The following ZNF688 variants were observed in gnomAD, a reference collection of about 807,000 sequenced individuals.
ZNF688 encodes zinc finger protein 688.
ZNF688 carries 10 observed loss-of-function variants against 13.2 expected under a neutral mutation model. That is an observed-to-expected ratio of 0.76 (90% CI 0.47 to 1.28). The LOEUF (loss-of-function observed/expected upper bound fraction) is 1.28, where lower values mean the gene tolerates loss of function less well. Among genes scored for constraint, ZNF688 ranks in the 50% most tolerant of loss-of-function variants. The pLI is 0.00. For synonymous variants in ZNF688, 160 were observed against 159.4 expected (o/e 1.00, Z -0.03); for missense variants, 381 against 391.4 (o/e 0.97, Z 0.22).
At chr16:30,574,490 G>C (rs1318679058), upstream of ZNF688, among the ~76,000 whole-genome samples, 1 of 151,058 alleles carries the variant, frequency 6.6e-6, no homozygotes, top group Non-Finnish European at 1.5e-5. Flanking sequence ...AGGTTGCAGT[G>C]AGCCAAGATC....
At chr16:30,572,120 A>G, upstream of ZNF688, 1 of 1,581,964 alleles carries the variant, frequency 6.3e-7, no homozygotes, top group Non-Finnish European at 8.6e-7. Context: ...AGCTTCACTT[A>G]CCCCTCTGTA....
At chr16:30,577,717 CTG>C (rs1170128074), upstream of ZNF688, among the ~76,000 whole-genome samples, 3 of 146,852 alleles carry the variant, frequency 2.0e-5, no homozygotes, top group Non-Finnish European at 4.5e-5. Context: ...GAGTCTCACT[CTG>C]TGGCCAAGGC....
chr16:30,570,366 A>G lies in ZNF688; in HGVS notation c.381T>C (p.Pro127=). The change falls in exon 3 of 3, where the codon CCT becomes CCC. Residue 127 remains proline (P), a synonymous_variant. Coordinates refer to ENST00000223459, the MANE Select transcript of ZNF688 (RefSeq NM_145271.4). ...CCAGCACTTCAGGACTCTCCTTCAC[A>G]GGAGCCTTTCTAGGCCCTTTGGCTC... ...VPRAKGPRKA[P]VKESPEVLVE... 1 of 1,614,022 alleles carries G rather than the reference A, an allele frequency of 6.2e-7. No individual in the cohort carries two copies.
chr16:30,575,248 CTTTTT>C (rs35676278), upstream of ZNF688, among the ~76,000 whole-genome samples: 2 of 139,864 alleles, frequency 1.4e-5, no homozygotes, highest in South Asian at 2.3e-4. Context: ...CATGGTAGTT[CTTTTT>C]TTTTTTTTTT....
rs2051648392 is a variant in ZNF688, at chr16:30,570,178, C to T, written c.569G>A (p.Arg190His). The change falls in exon 3 of 3, where the codon CGC (arginine) becomes CAC (histidine). Residue 190 changes from arginine (R) to histidine (H), a missense_variant. Physicochemically the swap from Arg to His is conservative, Grantham distance 29. Transcript: ENST00000223459. The stretch of plus-strand genomic sequence containing the variant: ...CAGCAGTGAGGGGTAGGTGAAGCGG[C>T]GGCCGCAGTCCGTGCACACGTGGCG... ...QRRHVCTDCG[R>H]RFTYPSLLVS... 6.2e-7 allele frequency: 1 copy of T among 1,610,214 alleles called. No homozygotes were observed. The highest frequency in any genetic ancestry group is 8.5e-7 in the Non-Finnish European group (1 of 1,178,192).
At chr16:30,571,258 A>G in intron 1 of ZNF688, 135 bp from the exon 2 acceptor site, 1 of 1,538,910 alleles carries the variant, frequency 6.5e-7, no homozygotes. Context: ...GCCTGAATGA[A>G]ATGGATGCGG....
Position 30,571,451 on chromosome 16 carries a change from C to T in ZNF688, c.179G>A (p.Gly60Asp). 6.3e-7 allele frequency: 1 copy of T among 1,577,152 alleles called. No homozygotes were observed. Among genetic ancestry groups the T allele is most frequent in the Non-Finnish European group, 8.6e-7 (1 of 1,162,614 alleles). The stretch of plus-strand genomic sequence containing the variant: ...GCTCTCACCGAGCGCGCCCAGGTGG[C>T]CGTAGGTCTCCTGCATCACGTCCCG... ...LYRDVMQETYGHLGALGFPGP... is the reference protein window; with the variant it reads ...LYRDVMQETYDHLGALGFPGP... Residue 60 changes from glycine to aspartate, a missense_variant, in exon 1 of 3, where the codon GGC (glycine) becomes GAC (aspartate). Physicochemically the swap from Gly to Asp is moderately conservative, Grantham distance 94. Coordinates refer to ENST00000223459, the MANE Select transcript of ZNF688 (RefSeq NM_145271.4).
chr16:30,569,922 G>A lies in ZNF688; in HGVS notation c.825C>T (p.Cys275=). ...CTCCAGCCTGCGGTGCCGCTCAGCC[G>A]CACTCCTCGAAGATGTCTGGGTAGT... The part of the protein sequence containing the change: ...FRHYPDIFEE[C]G Residue 275 remains cysteine (C), a synonymous_variant, in exon 3 of 3, where the codon TGC becomes TGT. Coordinates refer to ENST00000223459, the MANE Select transcript of ZNF688 (RefSeq NM_145271.4). 2 of 1,541,798 alleles carry A rather than the reference G, an allele frequency of 1.3e-6. No homozygotes were observed. The highest frequency in any genetic ancestry group is 1.7e-6 in the Non-Finnish European group (2 of 1,144,430).
chr16:30,573,968 C>A, upstream of ZNF688: 1 of 293,184 alleles, frequency 3.4e-6, no homozygotes, highest in Non-Finnish European at 6.7e-6. Flanking sequence ...TAATTTAGGC[C>A]CAGCCCAGTT....
upstream of ZNF688, among the ~76,000 whole-genome samples, chr16:30,574,723 C>T (rs1189239483): frequency 6.6e-6 from 1 of 152,082 alleles, no homozygotes; most frequent in African/African-American, 2.4e-5. Flanking sequence ...GGGAAAATTT[C>T]AAGTCCTCTC....
At chr16:30,573,863 C>T, upstream of ZNF688, 1 of 385,380 alleles carries the variant, frequency 2.6e-6, no homozygotes, top group East Asian at 9.4e-5. Context: ...AGTTCTGGAA[C>T]TGCCTCACTG....
At chr16:30,571,848 G>C, upstream of ZNF688, 1 of 1,287,214 alleles carries the variant, frequency 7.8e-7, no homozygotes. Flanking sequence ...CTTCATGGCC[G>C]CTTGGACATA....
chr16:30,577,952 G>C, the ZNF688 span, among the ~76,000 whole-genome samples: 1 of 152,126 alleles, frequency 6.6e-6, no homozygotes, highest in African/African-American at 2.4e-5. Flanking sequence ...TTACAGGTAT[G>C]AGCCATAGCG....
At chr16:30,575,982 G>A (rs1415688096), upstream of ZNF688, among the ~76,000 whole-genome samples, 2 of 152,006 alleles carry the variant, frequency 1.3e-5, no homozygotes, top group African/African-American at 2.4e-5. Flanking sequence ...TAGCATCCTT[G>A]CCAATACCTG....
rs1249171785 is a variant in ZNF688, at chr16:30,571,099, A to C, written c.221T>G (p.Leu74Arg). The change falls in exon 2 of 3, where the codon CTC becomes CGC. Residue 74 changes from leucine to arginine, a missense_variant. Physicochemically the swap from Leu to Arg is moderately radical, Grantham distance 102 (BLOSUM62 -2). Transcript: ENST00000223459. Reference sequence around the variant, plus strand: ...ACTCTCCTGTTCCATCCAAGAGATGAGGGCTGGTTTGGGGCCTGGGAATCC... The same window carrying C: ...ACTCTCCTGTTCCATCCAAGAGATGCGGGCTGGTTTGGGGCCTGGGAATCC... ...ALGFPGPKPA[L>R]ISWMEQESEA... The C allele has an allele frequency of 6.3e-7, 1 of 1,588,508 alleles. No homozygotes were observed. The highest frequency in any genetic ancestry group is 8.6e-7 in the Non-Finnish European group (1 of 1,167,812).
chr16:30,572,404 A>G (rs1416301801), upstream of ZNF688: 5 of 1,078,510 alleles, frequency 4.6e-6, no homozygotes, highest in Non-Finnish European at 6.1e-6. Context: ...CACCCGCGGT[A>G]GAAGCAGGTG....
At chr16:30,573,918 T>G (rs1032674357), upstream of ZNF688, 1 of 344,660 alleles carries the variant, frequency 2.9e-6, no homozygotes, top group Non-Finnish European at 5.7e-6. Flanking sequence ...AGGAAAAATA[T>G]ATCCTTAGAA....
At chr16:30,571,283 G>C in intron 1 of ZNF688, 151 bp downstream of exon 1, 1 of 1,537,964 alleles carries the variant, frequency 6.5e-7, no homozygotes, top group Non-Finnish European at 8.7e-7. Flanking sequence ...AAACACTCCC[G>C]AGGGGGTACC....
upstream of ZNF688, chr16:30,572,370 G>A (rs2051701397): frequency 1.5e-6 from 2 of 1,321,744 alleles, no homozygotes; most frequent in Non-Finnish European, 2.0e-6. Flanking sequence ...GGGAAGACGC[G>A]CACACCCTGG....
Sources: gnomAD v4.1 joint callset for allele counts (sites outside exome capture counted in the v4.1 genomes callset) on GRCh38, gnomAD v4.1.1 for gene constraint, MANE v1.5 for transcripts, NCBI Gene and HGNC (gene_info 2026-07-23, HGNC 2026-07-21) for gene names.